Variants in WDFY2 observed in about 807,000 individuals in gnomAD.
WDFY2 encodes the protein WD repeat and FYVE domain containing 2.
In WDFY2, 36 loss-of-function variants were observed where a neutral mutation model predicts 56.4. The ratio of observed to expected loss-of-function variants is 0.64; its 90% confidence interval spans 0.49 to 0.84. The LOEUF is 0.84. Ranked by LOEUF, WDFY2 falls within the 40% of genes least tolerant of loss-of-function variation. WDFY2 has a pLI of 0.00. For missense variants in WDFY2, 444 were observed against 512.2 expected (o/e 0.87, Z 1.29); for synonymous variants, 176 against 183.7 (o/e 0.96, Z 0.34).
intron 2 of WDFY2, among the ~76,000 whole-genome samples, chr13:51,670,482 CGCACAT>C (rs1206467372): frequency 2.1e-5 from 3 of 139,760 alleles, no homozygotes; most frequent in Non-Finnish European, 4.6e-5. Flanking sequence ...ACCTACTGTG[CGCACAT>C]GCACACACAC....
At chr13:51,627,672 C>G (rs1165047528) in intron 1 of WDFY2, among the ~76,000 whole-genome samples, 1 of 152,176 alleles carries the variant, frequency 6.6e-6, no homozygotes, top group Non-Finnish European at 1.5e-5. Context: ...GTGTGAGCCA[C>G]CATGCCCAGC....
chr13:51,695,300 C>T (rs1951843528), intron 3 of WDFY2, among the ~76,000 whole-genome samples: 3 of 152,214 alleles, frequency 2.0e-5, no homozygotes, highest in African/African-American at 7.2e-5. Context: ...GTTTTTTCCC[C>T]ATCTTTGTGG....
chr13:51,648,358 A>G (rs1955300462), intron 1 of WDFY2, among the ~76,000 whole-genome samples: 1 of 152,130 alleles, frequency 6.6e-6, no homozygotes, highest in South Asian at 2.1e-4. Context: ...CTGACAGTGG[A>G]CAGGTAGGTT....
At chr13:51,754,447 T>G (rs1364487950) in intron 8 of WDFY2, among the ~76,000 whole-genome samples, 2 of 152,256 alleles carry the variant, frequency 1.3e-5, no homozygotes, top group Non-Finnish European at 2.9e-5. Context: ...TCATTTATAC[T>G]TCTCATGGAG....
chr13:51,727,175 C>T lies in WDFY2; in HGVS notation c.486-503C>T, dbSNP rs141310892. ...CCTTATTCATTTGAAAAGCTACCTT[C>T]ATCAGACATTTACTAAATTTCATTG... On this transcript the variant is annotated intron_variant, in intron 5 of 11. Coordinates refer to ENST00000298125, the MANE Select transcript of WDFY2 (RefSeq NM_052950.4). 1.4e-3 allele frequency among the ~76,000 whole-genome samples: 214 copies of T among 152,318 alleles called. 1 individual carries two copies. Among genetic ancestry groups the T allele is most frequent in the African/African-American group, 4.9e-3 (205 of 41,590 alleles).
intron 2 of WDFY2, among the ~76,000 whole-genome samples, chr13:51,673,094 G>A (rs540129568): frequency 6.6e-6 from 1 of 152,210 alleles, no homozygotes; most frequent in Non-Finnish European, 1.5e-5. Flanking sequence ...ATATATCATT[G>A]TAGGACATGC....
At chr13:51,647,483 A>T (rs1955283864) in intron 1 of WDFY2, among the ~76,000 whole-genome samples, 1 of 152,234 alleles carries the variant, frequency 6.6e-6, no homozygotes, top group Non-Finnish European at 1.5e-5. Context: ...GACTAGGTTC[A>T]GTGGCTCATG....
chr13:51,700,469 G>A (rs1393746178), intron 3 of WDFY2, among the ~76,000 whole-genome samples: 2 of 152,150 alleles, frequency 1.3e-5, no homozygotes, highest in Admixed American at 6.5e-5. Context: ...TTGTTCGTGA[G>A]TATTAACAGA....
intron 4 of WDFY2, among the ~76,000 whole-genome samples, chr13:51,714,890 C>T (rs1246179756): frequency 1.3e-5 from 2 of 152,196 alleles, no homozygotes; most frequent in African/African-American, 4.8e-5. Context: ...TAGCCTGTTG[C>T]TCCCTAGGCT....
chr13:51,611,051 T>C lies in WDFY2; in HGVS notation c.137+26227T>C, dbSNP rs550731192. Among the ~76,000 whole-genome samples, 215 of 152,338 alleles carry C rather than the reference T, an allele frequency of 1.4e-3. 2 individuals are homozygous for C. The highest frequency in any genetic ancestry group is 5.1e-3 in the African/African-American group (210 of 41,570). On this transcript the variant is annotated intron_variant, in intron 1 of 11. Coordinates refer to ENST00000298125, the MANE Select transcript of WDFY2 (RefSeq NM_052950.4). ...TAATTAAAAATTACATGTGTTCTGC[T>C]AATTGGAGTCCAGCTTATGCTAGTA...
chr13:51,727,934 T>C, intron 6 of WDFY2, 144 bp downstream of exon 6: 1 of 682,750 alleles, frequency 1.5e-6, no homozygotes, highest in Non-Finnish European at 2.4e-6. Flanking sequence ...TTAACTCATT[T>C]CAAAATGGTT....
At chr13:51,584,993 G>T (rs1311906678) in intron 1 of WDFY2, among the ~76,000 whole-genome samples, 169 bp downstream of exon 1, 2 of 152,210 alleles carry the variant, frequency 1.3e-5, no homozygotes, top group Non-Finnish European at 2.9e-5. Flanking sequence ...CGCCGCCTCC[G>T]CTGTGTGGCT....
At chr13:51,732,166 T>G (rs1952737893) in intron 6 of WDFY2, among the ~76,000 whole-genome samples, 1 of 152,210 alleles carries the variant, frequency 6.6e-6, no homozygotes, top group African/African-American at 2.4e-5. Context: ...AATCTCGCTC[T>G]GTCGTCCAGG....
intron 3 of WDFY2, among the ~76,000 whole-genome samples, chr13:51,682,727 T>TA (rs2138520774): frequency 6.6e-6 from 1 of 152,312 alleles, no homozygotes; most frequent in East Asian, 1.9e-4. Flanking sequence ...ACAGTCCCTG[T>TA]ATGTATCAAA....
chr13:51,634,809 A>G (rs1262433597), intron 1 of WDFY2, among the ~76,000 whole-genome samples: 5 of 152,208 alleles, frequency 3.3e-5, no homozygotes, highest in Non-Finnish European at 7.4e-5. Context: ...TTATTGATCA[A>G]AACAATAGGG....
intron 1 of WDFY2, among the ~76,000 whole-genome samples, chr13:51,660,298 G>A (rs1456025516): frequency 6.6e-6 from 1 of 151,774 alleles, no homozygotes; most frequent in Non-Finnish European, 1.5e-5. Context: ...TGGTGTTCAA[G>A]TGATTCTCCT....
At chr13:51,621,886 A>G (rs1314324457) in intron 1 of WDFY2, among the ~76,000 whole-genome samples, 2 of 152,198 alleles carry the variant, frequency 1.3e-5, no homozygotes, top group Non-Finnish European at 2.9e-5. Context: ...TGTTTCTCCC[A>G]TTATTGCAGT....
Position 51,598,224 on chromosome 13 carries a change from G to A in WDFY2, c.137+13400G>A, listed in dbSNP as rs531536036. On this transcript the variant is annotated intron_variant, in intron 1 of 11. Transcript: ENST00000298125. ...AAAATACAAAAATTAGCTGGGTGTA[G>A]TGGCGGGCACCTGTAATCCCAGCTA... Among the ~76,000 whole-genome samples the A allele has an allele frequency of 7.2e-5, 11 of 152,192 alleles. No individual in the cohort carries two copies. The South Asian group carries it at 2.3e-3, about 32-fold the overall frequency.
At chr13:51,699,244 C>G (rs1951934928) in intron 3 of WDFY2, among the ~76,000 whole-genome samples, 1 of 152,202 alleles carries the variant, frequency 6.6e-6, no homozygotes, top group Admixed American at 6.5e-5. Flanking sequence ...GATTAAAATG[C>G]AAAGGGATAT....
Sources: gnomAD v4.1 joint callset for allele counts (sites outside exome capture counted in the v4.1 genomes callset) on GRCh38, gnomAD v4.1.1 for gene constraint, MANE v1.5 for transcripts, NCBI Gene and HGNC (gene_info 2026-07-23, HGNC 2026-07-21) for gene names.